Variants in CNOT2 observed in about 807,000 individuals in gnomAD.
The protein encoded by CNOT2 is CC chemokine receptor 4-negative regulator of transcription 2.
In CNOT2, 7 loss-of-function variants were observed where a neutral mutation model predicts 72.1. The ratio of observed to expected loss-of-function variants is 0.10; its 90% confidence interval spans 0.06 to 0.18. The LOEUF (loss-of-function observed/expected upper bound fraction) is 0.18. Ranked by LOEUF, CNOT2 falls within the 10% of genes least tolerant of loss-of-function variation. CNOT2 has a pLI of 1.00. For missense variants in CNOT2, 345 were observed against 660.3 expected, an observed-to-expected ratio of 0.52 and a Z score of 5.23; for synonymous variants, 196 against 225.6, an observed-to-expected ratio of 0.87 and a Z score of 1.17.
chr12:70,257,635 G>T (rs1958526423), intron 1 of CNOT2, among the ~76,000 whole-genome samples: 1 of 151,714 alleles, frequency 6.6e-6, no homozygotes, highest in South Asian at 2.1e-4. Context: ...CCAAAGTGCT[G>T]GGATTACAGG....
At chr12:70,308,744 CAATT>C (rs905676951) in intron 2 of CNOT2, among the ~76,000 whole-genome samples, 1 of 152,038 alleles carries the variant, frequency 6.6e-6, no homozygotes, top group Admixed American at 6.6e-5. Flanking sequence ...TAATTCTATA[CAATT>C]AATTTCAATT....
At chr12:70,316,583 A>G (rs1191880606) in intron 3 of CNOT2, among the ~76,000 whole-genome samples, 3 of 152,204 alleles carry the variant, frequency 2.0e-5, no homozygotes, top group Non-Finnish European at 4.4e-5. Flanking sequence ...CTTATTTTAC[A>G]TGAATGTGTT....
intron 1 of CNOT2, among the ~76,000 whole-genome samples, chr12:70,268,302 T>C (rs1959145983): frequency 6.6e-6 from 1 of 152,206 alleles, no homozygotes; most frequent in Non-Finnish European, 1.5e-5. Flanking sequence ...CTGCCTTCTT[T>C]AGGTGGTCTG....
chr12:70,285,024 G>A (rs985053031), intron 2 of CNOT2, among the ~76,000 whole-genome samples: 10 of 152,128 alleles, frequency 6.6e-5, no homozygotes, highest in African/African-American at 1.4e-4. Flanking sequence ...AACGTATGAC[G>A]TAGACTTTAT....
At chr12:70,310,221 A>G (rs1004388545) in intron 2 of CNOT2, among the ~76,000 whole-genome samples, 7 of 152,058 alleles carry the variant, frequency 4.6e-5, no homozygotes, top group African/African-American at 1.7e-4. Flanking sequence ...ATTTCTTCAC[A>G]GATAGCAAGT....
chr12:70,305,401 G>T (rs1346744991), intron 2 of CNOT2, among the ~76,000 whole-genome samples: 2 of 152,186 alleles, frequency 1.3e-5, no homozygotes, highest in African/African-American at 4.8e-5. Flanking sequence ...GGTTCCTTCT[G>T]CGACACGTGG....
intron 2 of CNOT2, among the ~76,000 whole-genome samples, chr12:70,308,210 T>C (rs1875780712): frequency 6.6e-6 from 1 of 152,174 alleles, no homozygotes; most frequent in East Asian, 1.9e-4. Flanking sequence ...TTTTAAATAC[T>C]TCCTACCCTG....
chr12:70,257,028 A>C (rs1593043524), intron 1 of CNOT2, among the ~76,000 whole-genome samples: 3 of 150,026 alleles, frequency 2.0e-5, no homozygotes, highest in African/African-American at 7.3e-5. Context: ...ATGATTGAAC[A>C]TTTTATTTTT....
intron 2 of CNOT2, among the ~76,000 whole-genome samples, chr12:70,297,387 G>GT (rs1421037015): frequency 6.6e-6 from 1 of 152,154 alleles, no homozygotes; most frequent in Non-Finnish European, 1.5e-5. Context: ...GTATGAAGCA[G>GT]TGAATGAGAC....
chr12:70,294,667 A>G (rs12297335), intron 2 of CNOT2, among the ~76,000 whole-genome samples: 1,699 of 152,294 alleles, frequency 0.011, 31 homozygotes, highest in African/African-American at 0.038. Context: ...TAATTTTGCC[A>G]TATGTAACTT....
chr12:70,282,249 A>G (rs1295538084), intron 2 of CNOT2, among the ~76,000 whole-genome samples: 1 of 152,210 alleles, frequency 6.6e-6, no homozygotes, highest in Non-Finnish European at 1.5e-5. Flanking sequence ...GGAACTTTTC[A>G]GTATGAGGTC....
chr12:70,260,033 C>T (rs1958673472), intron 1 of CNOT2, among the ~76,000 whole-genome samples: 1 of 152,120 alleles, frequency 6.6e-6, no homozygotes, highest in South Asian at 2.1e-4. Flanking sequence ...GTATGCCTAT[C>T]CTTATGCCAG....
chr12:70,295,283 G>A (rs892203395), intron 2 of CNOT2, among the ~76,000 whole-genome samples: 1 of 152,072 alleles, frequency 6.6e-6, no homozygotes, highest in African/African-American at 2.4e-5. Context: ...AAGAGATTGG[G>A]GTTCTAGTGT....
intron 1 of CNOT2, among the ~76,000 whole-genome samples, chr12:70,272,991 T>C (rs1868293757): frequency 6.6e-6 from 1 of 152,210 alleles, no homozygotes; most frequent in Admixed American, 6.5e-5. Context: ...CATTCTCTTA[T>C]TAATGCCATC....
intron 2 of CNOT2, among the ~76,000 whole-genome samples, chr12:70,304,792 C>T (rs914833531): frequency 6.6e-6 from 1 of 152,236 alleles, no homozygotes; most frequent in African/African-American, 2.4e-5. Context: ...CAGAGGCAGG[C>T]AGGCCTCCTT....
intron 7 of CNOT2, among the ~76,000 whole-genome samples, chr12:70,334,274 G>A (rs954316928): frequency 1.3e-5 from 2 of 152,088 alleles, no homozygotes; most frequent in African/African-American, 2.4e-5. Context: ...GTCTTATTCA[G>A]TGGTAATTTT....
chr12:70,322,094 T>C (rs1593229993), intron 4 of CNOT2: 1 of 151,972 alleles, frequency 6.6e-6, no homozygotes, highest in East Asian at 1.9e-4. Flanking sequence ...GTGATAAGCT[T>C]TCAGGTGAAT....
chr12:70,329,504 C>T lies in CNOT2; in HGVS notation c.320C>T (p.Pro107Leu), dbSNP rs956153106. ...NRSLSQGTQL[P>L]SHVTPTTGVP... is the part of the protein sequence containing the mutation. Reference sequence around the variant, plus strand: ...AGCTTATCACAAGGCACTCAGTTACCGAGCCACGTCACGCCAACAACAGGG... The same window carrying T: ...AGCTTATCACAAGGCACTCAGTTACTGAGCCACGTCACGCCAACAACAGGG... The change falls in exon 5 of 16, where the codon CCG becomes CTG. Residue 107 changes from proline to leucine, a missense_variant. By Grantham distance (98) the Pro-to-Leu change is moderately conservative (BLOSUM62 -3). Around this residue, in one of 4 missense-constraint regions of CNOT2, gnomAD observed 157 missense variants for 235.3 expected, o/e 0.67. Transcript: ENST00000229195. 5 of 1,611,090 alleles carry T rather than the reference C, an allele frequency of 3.1e-6. No individual in the cohort carries two copies. The highest frequency in any genetic ancestry group is 2.2e-5 in the South Asian group (2 of 91,028).
At position 70,354,955 on chromosome 12, in the gene CNOT2, G is replaced by A. The variant is rs780544750; in HGVS notation, c.*1040G>A. 1 of 152,670 alleles carries A rather than the reference G, an allele frequency of 6.6e-6. No homozygotes were observed. The highest frequency in any genetic ancestry group is 1.9e-4 in the East Asian group (1 of 5,184). The allele number at this position is 152,670 out of a possible 1,614,324, so 9.5% of individuals were successfully genotyped here. On this transcript the variant is annotated 3_prime_UTR_variant, in exon 16 of 16. Coordinates refer to ENST00000229195, the MANE Select transcript of CNOT2 (RefSeq NM_014515.7). ...TCTTGTATTTTCTGACCACATAAAG[G>A]CTTCTTCTCTTTGTAATAAAGTAGA...
Sources: gnomAD v4.1 joint callset for allele counts (sites outside exome capture counted in the v4.1 genomes callset) on GRCh38, gnomAD v4.1.1 for gene constraint, gnomAD v4.1.1 regional missense constraint, MANE v1.5 for transcripts, NCBI Gene and HGNC (gene_info 2026-07-23, HGNC 2026-07-21) for gene names.